CDK14: variants seen among roughly 807,000 people sequenced by gnomAD.
CDK14 encodes cyclin dependent kinase 14.
In CDK14, 34 loss-of-function variants were observed where a neutral mutation model predicts 60.7. That is an observed-to-expected ratio of 0.56 (90% CI 0.43 to 0.75). The LOEUF (loss-of-function observed/expected upper bound fraction) is 0.75, where lower values mean the gene tolerates loss of function less well. CDK14 is among the 30% of genes least tolerant of loss of function. The pLI is 0.00. For missense variants in CDK14, 482 were observed against 564.1 expected (o/e 0.85, Z 1.47); for synonymous variants, 197 against 203.7 (o/e 0.97, Z 0.28).
intron 1 of CDK14, among the ~76,000 whole-genome samples, chr7:90,599,959 T>G (rs1799280954): frequency 6.6e-6 from 1 of 152,246 alleles, no homozygotes; most frequent in Admixed American, 6.5e-5. Flanking sequence ...TTAATTTGTT[T>G]ACACATTAGA....
intron 14 of CDK14, among the ~76,000 whole-genome samples, chr7:91,170,635 A>G (rs1173312980): frequency 6.6e-6 from 1 of 152,188 alleles, no homozygotes; most frequent in African/African-American, 2.4e-5. Context: ...AATAATTTTG[A>G]TTAGCTTGTA....
intron 5 of CDK14, among the ~76,000 whole-genome samples, chr7:90,799,860 AAGAT>A (rs1357854468): frequency 6.6e-6 from 1 of 152,130 alleles, no homozygotes; most frequent in Non-Finnish European, 1.5e-5. Context: ...GTTAGCAAAA[AAGAT>A]AGGGATTTTG....
At chr7:91,143,732 A>G (rs1431737914) in intron 14 of CDK14, among the ~76,000 whole-genome samples, 2 of 152,146 alleles carry the variant, frequency 1.3e-5, no homozygotes, top group Non-Finnish European at 2.9e-5. Flanking sequence ...AATAATAGTA[A>G]TAGTGAGAAC....
At chr7:90,932,186 G>A (rs1199698769) in intron 8 of CDK14, among the ~76,000 whole-genome samples, 44 of 152,100 alleles carry the variant, frequency 2.9e-4, no homozygotes, top group Admixed American at 2.9e-3. Context: ...TAAAGCTTCT[G>A]TGAATCTGAA....
intron 12 of CDK14, among the ~76,000 whole-genome samples, chr7:91,094,034 G>A (rs1276294153): frequency 6.6e-6 from 1 of 151,990 alleles, no homozygotes; most frequent in Non-Finnish European, 1.5e-5. Flanking sequence ...GGAGGAGGGG[G>A]AGGGGTAAAA....
intron 14 of CDK14, among the ~76,000 whole-genome samples, chr7:91,172,394 T>G (rs1290795446): frequency 5.3e-5 from 8 of 152,232 alleles, no homozygotes; most frequent in Non-Finnish European, 1.5e-5. Flanking sequence ...CCCCATTGTC[T>G]GGTCGCCTTA....
intron 14 of CDK14, among the ~76,000 whole-genome samples, chr7:91,130,499 C>G (rs1003849293): frequency 3.3e-5 from 5 of 152,128 alleles, no homozygotes; most frequent in Non-Finnish European, 7.4e-5. Context: ...AAACACTGCT[C>G]TATTTCACAA....
At chr7:90,918,860 C>G (rs899351844) in intron 8 of CDK14, among the ~76,000 whole-genome samples, 1 of 151,874 alleles carries the variant, frequency 6.6e-6, no homozygotes, top group Non-Finnish European at 1.5e-5. Context: ...TTCTTTTATT[C>G]GAAAAATGAA....
At chr7:90,890,947 T>C (rs1792102880) in intron 6 of CDK14, among the ~76,000 whole-genome samples, 1 of 152,060 alleles carries the variant, frequency 6.6e-6, no homozygotes, top group Admixed American at 6.5e-5. Context: ...CCCTTAAGTG[T>C]GGTTGTAGTG....
At chr7:91,063,885 C>T (rs1797886742) in intron 11 of CDK14, among the ~76,000 whole-genome samples, 1 of 152,122 alleles carries the variant, frequency 6.6e-6, no homozygotes, top group African/African-American at 2.4e-5. Flanking sequence ...ATATTAATAG[C>T]TAACAGATAC....
intron 9 of CDK14, among the ~76,000 whole-genome samples, chr7:90,981,207 G>A (rs577923322): frequency 4.6e-4 from 70 of 152,268 alleles, no homozygotes; most frequent in Non-Finnish European, 5.3e-4. Flanking sequence ...GAAAGCCACC[G>A]TACTAAAAAT....
At chr7:90,853,488 A>C (rs1370063485) in intron 5 of CDK14, among the ~76,000 whole-genome samples, 2 of 151,200 alleles carry the variant, frequency 1.3e-5, no homozygotes, top group Admixed American at 1.3e-4. Context: ...GTAGAGCAGC[A>C]AGTAGGTTGA....
rs796093975 is a variant in CDK14 at position 90,598,704 on chromosome 7, A to ATTT, written c.91+2002_91+2004dup. 1.0e-3 allele frequency among the ~76,000 whole-genome samples: 90 copies of ATTT among 87,904 alleles called. 9 individuals carry two copies. Among genetic ancestry groups the ATTT allele is most frequent in the Admixed American group, 1.5e-3 (11 of 7,518 alleles). 57.7% of individuals were successfully genotyped at this position (87,904 alleles called of 152,430 possible). A position where few individuals can be genotyped will look rare whatever the true frequency, so the allele number is the denominator to read the frequency against. On this transcript the variant is annotated intron_variant, in intron 1 of 14. Transcript: ENST00000380050. ...GTGAACTCATTCTGATTATCTAAGG[A>ATTT]TTTTTTTTTTTTTTTTTTGAGACGG... is the stretch of plus-strand genomic sequence containing the variant.
intron 4 of CDK14, among the ~76,000 whole-genome samples, chr7:90,755,394 G>C (rs566236647): frequency 6.6e-6 from 1 of 152,298 alleles, no homozygotes; most frequent in East Asian, 1.9e-4. Flanking sequence ...GTTTTCACTT[G>C]TAAGTGGGAG....
At chr7:90,955,615 T>G in intron 8 of CDK14, 82 bp from the exon 9 acceptor site, 1 of 1,529,082 alleles carries the variant, frequency 6.5e-7, no homozygotes. Flanking sequence ...GGTTTGACCT[T>G]TAAGAATGTG....
At chr7:90,598,043 G>A (rs1407348543) in intron 1 of CDK14, among the ~76,000 whole-genome samples, 1 of 152,192 alleles carries the variant, frequency 6.6e-6, no homozygotes, top group African/African-American at 2.4e-5. Flanking sequence ...GTGTGAGAGA[G>A]GGAAATGTTG....
At chr7:91,178,356 C>A (rs1482212866) in intron 14 of CDK14, among the ~76,000 whole-genome samples, 3 of 133,968 alleles carry the variant, frequency 2.2e-5, no homozygotes, top group Non-Finnish European at 4.8e-5. Flanking sequence ...ACCATAAAAA[C>A]CCTAGAAGAA....
chr7:91,067,644 G>A (rs1798019476), intron 11 of CDK14, among the ~76,000 whole-genome samples: 1 of 152,116 alleles, frequency 6.6e-6, no homozygotes, highest in South Asian at 2.1e-4. Context: ...CACATGCCCA[G>A]GCAATATTTG....
intron 5 of CDK14, among the ~76,000 whole-genome samples, chr7:90,801,618 C>T (rs1329902655): frequency 6.6e-6 from 1 of 152,176 alleles, no homozygotes; most frequent in African/African-American, 2.4e-5. Context: ...GGATTTCAGA[C>T]ACATTTACAC....
Sources: gnomAD v4.1 joint callset for allele counts (sites outside exome capture counted in the v4.1 genomes callset) on GRCh38, gnomAD v4.1.1 for gene constraint, MANE v1.5 for transcripts, NCBI Gene and HGNC (gene_info 2026-07-23, HGNC 2026-07-21) for gene names.